The following TRABD2B variants were observed in gnomAD, a reference collection of about 807,000 sequenced individuals.
TRABD2B encodes the protein TraB domain containing 2B.
Under a neutral mutation model 40.1 loss-of-function variants are expected in TRABD2B, and 14 were observed. The observed-to-expected ratio is 0.35, with a 90% CI of 0.23 to 0.55. TRABD2B has a LOEUF of 0.55. Among genes scored for constraint, TRABD2B ranks in the 20% least tolerant of loss-of-function variants. TRABD2B has a pLI of 0.90. For missense variants in TRABD2B, 541 were observed against 648.6 expected (o/e 0.83, Z 1.80); for synonymous variants, 263 against 277.0 (o/e 0.95, Z 0.50).
Position 47,761,995 on chromosome 1 carries a change from G to A in TRABD2B, c.*3907C>T, listed in dbSNP as rs1403754387. On this transcript the variant is annotated 3_prime_UTR_variant, in exon 7 of 7. Coordinates refer to ENST00000606738, the MANE Select transcript of TRABD2B (RefSeq NM_001194986.2). ...CCATTAAGCTGCTCACAGTCCGAGA[G>A]GAGCAGATACACACTAGATAGTCAC... 6.6e-6 allele frequency: 1 copy of A among 152,138 alleles called. No homozygotes were observed. Among genetic ancestry groups the A allele is most frequent in the Non-Finnish European group, 1.5e-5 (1 of 68,050 alleles). 9.4% of individuals were successfully genotyped at this position (152,138 alleles called of 1,614,324 possible).
chr1:47,960,697 C>A (rs1015722533), intron 2 of TRABD2B, among the ~76,000 whole-genome samples: 27 of 152,012 alleles, frequency 1.8e-4, no homozygotes, highest in African/African-American at 6.3e-4. Flanking sequence ...AACCACTGCT[C>A]AAGGAAATAA....
intron 2 of TRABD2B, among the ~76,000 whole-genome samples, chr1:47,816,254 C>T (rs1645031626): frequency 6.6e-6 from 1 of 152,170 alleles, no homozygotes; most frequent in Non-Finnish European, 1.5e-5. Flanking sequence ...TGAGGTAGGG[C>T]CCACTGGTCT....
intron 2 of TRABD2B, among the ~76,000 whole-genome samples, chr1:47,814,794 C>A (rs528858922): frequency 6.6e-6 from 1 of 152,320 alleles, no homozygotes; most frequent in Non-Finnish European, 1.5e-5. Context: ...CAGGGTGCAT[C>A]AAAGGAGACA....
At chr1:47,928,857 C>A (rs1306034111) in intron 2 of TRABD2B, among the ~76,000 whole-genome samples, 1 of 152,180 alleles carries the variant, frequency 6.6e-6, no homozygotes, top group Non-Finnish European at 1.5e-5. Context: ...CAAGGCCCAG[C>A]CTAAACATCA....
At chr1:47,977,005 T>C (rs1175663493) in intron 2 of TRABD2B, among the ~76,000 whole-genome samples, 1 of 152,094 alleles carries the variant, frequency 6.6e-6, no homozygotes, top group Non-Finnish European at 1.5e-5. Flanking sequence ...CAGTTTTACA[T>C]GCACTCAGTT....
At chr1:47,859,523 T>A (rs373897099) in intron 2 of TRABD2B, among the ~76,000 whole-genome samples, 2 of 152,260 alleles carry the variant, frequency 1.3e-5, no homozygotes, top group East Asian at 1.9e-4. Flanking sequence ...CTTGTAGAGC[T>A]CTGGCCACAG....
intron 2 of TRABD2B, among the ~76,000 whole-genome samples, chr1:47,968,555 C>T (rs1198550498): frequency 6.6e-6 from 1 of 150,944 alleles, no homozygotes; most frequent in Admixed American, 6.6e-5. Context: ...CATGCGTGCA[C>T]ACACACACAC....
intron 2 of TRABD2B, among the ~76,000 whole-genome samples, chr1:47,976,836 A>C (rs1334953688): frequency 6.6e-6 from 1 of 152,282 alleles, no homozygotes; most frequent in East Asian, 1.9e-4. Context: ...CATTTTTTAA[A>C]TTAAACTTTT....
At chr1:47,802,068 G>C (rs1644831091) in intron 2 of TRABD2B, among the ~76,000 whole-genome samples, 1 of 152,204 alleles carries the variant, frequency 6.6e-6, no homozygotes, top group African/African-American at 2.4e-5. Context: ...CCAACCTAAA[G>C]GCCGCCTACC....
intron 6 of TRABD2B, among the ~76,000 whole-genome samples, chr1:47,767,078 G>A (rs1450916980): frequency 1.3e-5 from 2 of 152,158 alleles, no homozygotes; most frequent in Non-Finnish European, 2.9e-5. Context: ...AGAGACAGAG[G>A]CTAACACAGG....
chr1:47,788,505 G>A (rs1230418031), intron 4 of TRABD2B, among the ~76,000 whole-genome samples: 3 of 152,302 alleles, frequency 2.0e-5, no homozygotes, highest in Admixed American at 2.0e-4. Context: ...AACTCTTCAA[G>A]TTCTGCCTTC....
At chr1:47,935,489 T>C (rs1029372331) in intron 2 of TRABD2B, among the ~76,000 whole-genome samples, 4 of 152,178 alleles carry the variant, frequency 2.6e-5, no homozygotes, top group African/African-American at 9.6e-5. Context: ...ACTCAGGAAA[T>C]GACCACTGAG....
intron 2 of TRABD2B, among the ~76,000 whole-genome samples, chr1:47,990,790 T>TAC (rs1645995648): frequency 3.0e-5 from 1 of 33,246 alleles, no homozygotes. Context: ...TATATATATA[T>TAC]ATATATATAT....
At chr1:47,993,563 T>C (rs1646044053) in intron 2 of TRABD2B, among the ~76,000 whole-genome samples, 1 of 152,162 alleles carries the variant, frequency 6.6e-6, no homozygotes, top group African/African-American at 2.4e-5. Flanking sequence ...CACTCTACTG[T>C]CGCCAGGTCC....
At chr1:47,784,796 G>A (rs1644573228) in intron 4 of TRABD2B, among the ~76,000 whole-genome samples, 1 of 152,230 alleles carries the variant, frequency 6.6e-6, no homozygotes, top group Non-Finnish European at 1.5e-5. Context: ...GGCCGCCCAG[G>A]GAAGGGCTAG....
At chr1:47,799,349 G>A (rs555625214) in intron 3 of TRABD2B, among the ~76,000 whole-genome samples, 32 of 152,282 alleles carry the variant, frequency 2.1e-4, no homozygotes, top group South Asian at 6.2e-4. Context: ...GCCACAAAGG[G>A]GGTCACTCGT....
intron 2 of TRABD2B, among the ~76,000 whole-genome samples, chr1:47,892,131 G>A (rs201565870): frequency 2.6e-5 from 4 of 152,232 alleles, no homozygotes; most frequent in South Asian, 4.1e-4. Context: ...CTTATTACAC[G>A]CAATTGTGGT....
In TRABD2B at chr1:47,976,888, C is replaced by T. The variant is rs116710826; in HGVS notation, c.666+17146G>A. 8.3e-3 allele frequency among the ~76,000 whole-genome samples: 1,262 copies of T among 151,942 alleles called. 29 individuals are homozygous for T. The highest frequency in any genetic ancestry group is 0.029 in the African/African-American group (1,221 of 41,420). On this transcript the variant is annotated intron_variant, in intron 2 of 6. Coordinates refer to ENST00000606738, the MANE Select transcript of TRABD2B (RefSeq NM_001194986.2). Reference sequence around the variant, plus strand: ...CACATGCAGTTGTAAGAAATAATACCCTTTACCCAGTTTCCCCCAGTGGTA... The same window carrying T: ...CACATGCAGTTGTAAGAAATAATACTCTTTACCCAGTTTCCCCCAGTGGTA...
At chr1:47,803,368 T>G (rs115287526) in intron 2 of TRABD2B, among the ~76,000 whole-genome samples, 1 of 152,274 alleles carries the variant, frequency 6.6e-6, no homozygotes, top group African/African-American at 2.4e-5. Context: ...AGTAGTTACG[T>G]GCTGCTGATG....
Sources: gnomAD v4.1 joint callset for allele counts (sites outside exome capture counted in the v4.1 genomes callset) on GRCh38, gnomAD v4.1.1 for gene constraint, MANE v1.5 for transcripts, NCBI Gene and HGNC (gene_info 2026-07-23, HGNC 2026-07-21) for gene names.